Variants in RIPOR2 observed in about 807,000 individuals in gnomAD.
The protein encoded by RIPOR2 is RHO family interacting cell polarization regulator 2, also known as rho family-interacting cell polarization regulator 2.
A neutral mutation model predicts 114.5 loss-of-function variants in RIPOR2; 39 were observed. The observed-to-expected ratio is 0.34, with a 90% confidence interval of 0.26 to 0.44. The LOEUF (loss-of-function observed/expected upper bound fraction) is 0.44, where lower values mean the gene tolerates loss of function less well. Ranked by LOEUF, RIPOR2 falls within the 20% of genes least tolerant of loss-of-function variation. RIPOR2 has a pLI of 1.00. For synonymous variants in RIPOR2, 445 were observed against 484.4 expected, an observed-to-expected ratio of 0.92 and a Z score of 1.07; for missense variants, 1,007 against 1,255.1, an observed-to-expected ratio of 0.80 and a Z score of 2.99.
intron 1 of RIPOR2, among the ~76,000 whole-genome samples, chr6:24,884,322 T>C (rs1384358242): frequency 2.0e-5 from 3 of 152,092 alleles, no homozygotes. Context: ...GGCAGGAGAA[T>C]GGCGTGAATC....
At chr6:25,019,541 G>A (rs571084967) in intron 1 of RIPOR2, among the ~76,000 whole-genome samples, 31 of 152,026 alleles carry the variant, frequency 2.0e-4, no homozygotes, top group Non-Finnish European at 3.5e-4. Flanking sequence ...AGGCTGAGGC[G>A]GGTGGATCAC....
In RIPOR2 at chr6:24,876,316, G is replaced by T. The variant is rs187179003; in HGVS notation, c.62-499C>A. Among the ~76,000 whole-genome samples the T allele has an allele frequency of 9.2e-4, 140 of 151,646 alleles. 2 individuals are homozygous for T. Among genetic ancestry groups the T allele is most frequent in the Admixed American group, 2.3e-3 (35 of 15,234 alleles). On this transcript the variant is annotated intron_variant, in intron 1 of 21. Transcript: ENST00000643898. ...AAAAAAAAGAAAAGAAGAAAGAAAA[G>T]AAAATAAATATAAATTACACAAAAT... is the stretch of plus-strand genomic sequence containing the variant.
intron 1 of RIPOR2, among the ~76,000 whole-genome samples, chr6:25,040,105 T>C (rs1777399359): frequency 6.7e-6 from 1 of 149,584 alleles, no homozygotes; most frequent in Admixed American, 6.7e-5. Flanking sequence ...AAGAACACTG[T>C]GTGATAGACT....
intron 1 of RIPOR2, among the ~76,000 whole-genome samples, chr6:24,975,695 TAA>T (rs1399763572): frequency 1.3e-5 from 2 of 152,158 alleles, no homozygotes; most frequent in Non-Finnish European, 2.9e-5. Flanking sequence ...TGAAATTTGA[TAA>T]GAGAGTAAAT....
intron 4 of RIPOR2, among the ~76,000 whole-genome samples, chr6:24,871,109 T>C (rs1765120815): frequency 6.6e-6 from 1 of 152,242 alleles, no homozygotes; most frequent in South Asian, 2.1e-4. Flanking sequence ...TAAGAGTACA[T>C]TTAAGAGCTG....
chr6:25,021,479 G>A (rs1386367245), intron 1 of RIPOR2, among the ~76,000 whole-genome samples: 1 of 152,222 alleles, frequency 6.6e-6, no homozygotes, highest in Non-Finnish European at 1.5e-5. Context: ...TGACTTAATG[G>A]CATTCACAGT....
At chr6:24,930,836 C>T (rs1336594074) in intron 1 of RIPOR2, among the ~76,000 whole-genome samples, 1 of 152,378 alleles carries the variant, frequency 6.6e-6, no homozygotes, top group African/African-American at 2.4e-5. Flanking sequence ...CAGCCTCTTT[C>T]TGCCCCTTTT....
chr6:25,031,718 TA>T (rs1776960550), intron 1 of RIPOR2, among the ~76,000 whole-genome samples: 1 of 94,568 alleles, frequency 1.1e-5, no homozygotes, highest in African/African-American at 5.2e-5. Flanking sequence ...TATATATATA[TA>T]TATATATATA....
At chr6:24,976,169 C>A (rs559260261) in intron 1 of RIPOR2, among the ~76,000 whole-genome samples, 1 of 151,942 alleles carries the variant, frequency 6.6e-6, no homozygotes, top group East Asian at 1.9e-4. Context: ...TAGAAAATAA[C>A]AAGGAAAAAG....
In RIPOR2 at chr6:24,988,076, T is replaced by C. The variant is rs949849634; in HGVS notation, c.76+53775A>G. Among the ~76,000 whole-genome samples, 3 of 152,328 alleles carry C rather than the reference T, an allele frequency of 2.0e-5. No individual in the cohort carries two copies. The East Asian group carries it at 5.8e-4, about 29-fold the overall frequency. On this transcript the variant is annotated intron_variant, in intron 1 of 13. Transcript: ENST00000510784. ...TTTCAAGACTCTTTCAGTTCAGAAG[T>C]AGACTTCATGAAGGTAGAGCTTAAC...
chr6:24,948,569 T>C (rs1772581561), intron 1 of RIPOR2, among the ~76,000 whole-genome samples: 1 of 151,946 alleles, frequency 6.6e-6, no homozygotes, highest in South Asian at 2.1e-4. Flanking sequence ...TTCGCTCTTG[T>C]TGCCCAGGCT....
At chr6:24,894,192 T>C (rs566040615) in intron 1 of RIPOR2, among the ~76,000 whole-genome samples, 14 of 152,346 alleles carry the variant, frequency 9.2e-5, no homozygotes, top group African/African-American at 2.9e-4. Context: ...TTGACGAAGG[T>C]GATTCAGGAC....
At chr6:24,872,588 G>T (rs1282399595) in intron 4 of RIPOR2, among the ~76,000 whole-genome samples, 2 of 152,078 alleles carry the variant, frequency 1.3e-5, no homozygotes, top group African/African-American at 4.8e-5. Context: ...TTATTTAGGA[G>T]GGTGGTAGAG....
chr6:25,016,528 AC>A (rs1776010930), intron 1 of RIPOR2, among the ~76,000 whole-genome samples: 1 of 152,224 alleles, frequency 6.6e-6, no homozygotes, highest in African/African-American at 2.4e-5. Context: ...TGCTGCTGAA[AC>A]ACCTAAGAGG....
intron 13 of RIPOR2, chr6:24,840,545 A>G: frequency 6.9e-7 from 1 of 1,441,642 alleles, no homozygotes; most frequent in Non-Finnish European, 9.1e-7. Context: ...AAATTCTGCA[A>G]GTTAGAAGCA....
chr6:24,909,809 C>G (rs1261201735), intron 1 of RIPOR2, among the ~76,000 whole-genome samples: 1 of 152,114 alleles, frequency 6.6e-6, no homozygotes, highest in Non-Finnish European at 1.5e-5. Context: ...CTCAGTCACT[C>G]AAGCAACATG....
Position 25,038,930 on chromosome 6 carries a change from G to A in RIPOR2, c.76+2921C>T, listed in dbSNP as rs182308088. Among the ~76,000 whole-genome samples, 5 of 152,340 alleles carry A rather than the reference G, an allele frequency of 3.3e-5. No homozygotes were observed. In the East Asian group the frequency reaches 5.8e-4, roughly 18 times the overall value. On this transcript the variant is annotated intron_variant, in intron 1 of 13. Coordinates refer to the RIPOR2 transcript ENST00000510784. ...GATTCCAAGCCAGGGCCTGGCCCCC[G>A]TGGGGAAAAAGGAGAGAGCTGTGGT...
intron 1 of RIPOR2, among the ~76,000 whole-genome samples, chr6:25,008,195 G>C (rs1181251637): frequency 1.7e-5 from 2 of 119,912 alleles, no homozygotes; most frequent in Non-Finnish European, 3.6e-5. Flanking sequence ...ATATAATTAA[G>C]TTAAGCATTT....
At chr6:24,878,465 T>C (rs1260664950) in intron 1 of RIPOR2, among the ~76,000 whole-genome samples, 1 of 152,212 alleles carries the variant, frequency 6.6e-6, no homozygotes, top group Non-Finnish European at 1.5e-5. Context: ...TATTATTCAT[T>C]ATATCTATTG....
Sources: allele counts gnomAD v4.1 joint callset (sites outside exome capture counted in the v4.1 genomes callset), GRCh38; gene constraint gnomAD v4.1.1; transcripts MANE v1.5; gene names NCBI Gene and HGNC (gene_info 2026-07-23, HGNC 2026-07-21).